ADPRHL1: variants seen among roughly 807,000 people sequenced by gnomAD.
ADPRHL1 encodes the protein ADP-ribosylhydrolase like 1.
Under a neutral mutation model 44.1 loss-of-function variants are expected in ADPRHL1, and 43 were observed. The observed-to-expected ratio is 0.98, with a 90% confidence interval of 0.76 to 1.26. The LOEUF is 1.26. ADPRHL1 is among the 50% of genes most tolerant of loss of function. ADPRHL1 has a pLI of 0.00. For missense variants in ADPRHL1, 2,022 were observed against 2,496.9 expected (o/e 0.81, Z 4.05); for synonymous variants, 878 against 1,017.4 (o/e 0.86, Z 2.61).
At position 113,409,520 on chromosome 13, in the gene ADPRHL1, AGAAGAGTCGGTGGC is replaced by A; in HGVS notation, c.1062-1314_1062-1301del. 1.0e-6 allele frequency: 1 copy of A among 985,348 alleles called. No individual in the cohort carries two copies. The allele number at this position is 985,348 out of a possible 1,614,324, so 61.0% of individuals were successfully genotyped here. On this transcript the variant is annotated intron_variant, in intron 7 of 7. Transcript: ENST00000612156. The surrounding 1 kb of genome is among the most constrained non-coding windows in gnomAD (Gnocchi z 4.2). ...ACAATGGCACGTCCACATTTGTGGG[AGAAGAGTCGGTGGC>A]CGGATGCGGCTGGTGACGTGGTGCC... is the stretch of plus-strand genomic sequence containing the variant.
At chr13:113,425,684 C>CTT (rs66812194) in intron 4 of ADPRHL1, among the ~76,000 whole-genome samples, 8,406 of 133,780 alleles carry the variant, frequency 0.063, 448 homozygotes, top group African/African-American at 0.15. Flanking sequence ...TTTTTTCTTT[C>CTT]TTTTTTTTTT....
rs1441623347 is a variant in ADPRHL1, at chr13:113,421,345, C to T, written c.1061+1481G>A. Among the ~76,000 whole-genome samples, 35 of 135,812 alleles carry T rather than the reference C, an allele frequency of 2.6e-4. No individual in the cohort carries two copies. In the East Asian group the frequency reaches 7.7e-3, roughly 30 times the overall value. 89.1% of individuals were successfully genotyped at this position (135,812 alleles called of 152,430 possible). ...CCGGGACACGCCCACCCCCGGGACA[C>T]GCCCACTCCCGGGACACCTCTACCC... On this transcript the variant is annotated intron_variant, in intron 7 of 7. Coordinates refer to ENST00000612156, the MANE Select transcript of ADPRHL1 (RefSeq NM_001394807.1).
In ADPRHL1 at chr13:113,407,041, G is replaced by A. The variant is rs1470408875; in HGVS notation, c.2241C>T (p.Thr747=). 36 of 1,232,114 alleles carry A rather than the reference G, an allele frequency of 2.9e-5. No homozygotes were observed. The highest frequency in any genetic ancestry group is 3.1e-4 in the Middle Eastern group (1 of 3,234). The allele number at this position is 1,232,114 out of a possible 1,614,324, so 76.3% of individuals were successfully genotyped here. The change falls in exon 8 of 8, where the codon ACC becomes ACT. Residue 747 remains threonine (T), a synonymous_variant. Transcript: ENST00000612156. ...SAGGDGTADP[T]AESTAGGVQE... ...GGACGCCTCCTGCGGTGCTCTCTGC[G>A]GTGGGGTCTGCAGTCCCATCACCTC... is the stretch of plus-strand genomic sequence containing the variant.
intron 4 of ADPRHL1, 50 bp from the exon 5 acceptor site, chr13:113,425,229 G>C (rs771947432): frequency 1.5e-5 from 23 of 1,572,652 alleles, no homozygotes; most frequent in Non-Finnish European, 2.0e-5. Flanking sequence ...CCATGGAGTG[G>C]GGCGGGTGCA....
chr13:113,401,193 G>A lies in ADPRHL1; in HGVS notation c.*2185C>T, dbSNP rs901373891. On this transcript the variant is annotated 3_prime_UTR_variant, in exon 8 of 8. Transcript: ENST00000612156. The surrounding 1 kb of genome is among the most constrained non-coding windows in gnomAD (Gnocchi z 5.5). The stretch of plus-strand genomic sequence containing the variant: ...GGGAGGACGCCCCAGGCATGAGCAG[G>A]GGCCGCCAACAGGACAAAGAGGCCA... 1.3e-5 allele frequency: 2 copies of A among 152,076 alleles called. No individual in the cohort carries two copies. Among genetic ancestry groups the A allele is most frequent in the African/African-American group, 4.8e-5 (2 of 41,420 alleles). 9.4% of individuals were successfully genotyped at this position (152,076 alleles called of 1,614,324 possible).
chr13:113,409,560 A>G lies in ADPRHL1; in HGVS notation c.1062-1340T>C. 1 of 985,404 alleles carries G rather than the reference A, an allele frequency of 1.0e-6. No homozygotes were observed. Among genetic ancestry groups the G allele is most frequent in the Non-Finnish European group, 1.2e-6 (1 of 829,924 alleles). The allele number at this position is 985,404 out of a possible 1,614,324, so 61.0% of individuals were successfully genotyped here. On this transcript the variant is annotated intron_variant, in intron 7 of 7. Coordinates refer to ENST00000612156, the MANE Select transcript of ADPRHL1 (RefSeq NM_001394807.1). This position sits in a 1 kb window ranked among gnomAD's most constrained non-coding sequence, Gnocchi z 4.2. ...CGGATGCGGCTGGTGACGTGGTGCC[A>G]AGTGAAAAGCTCACTCTAACCCGAT...
intron 7 of ADPRHL1, among the ~76,000 whole-genome samples, chr13:113,417,630 G>T (rs1247494897): frequency 6.6e-6 from 1 of 152,228 alleles, no homozygotes; most frequent in Non-Finnish European, 1.5e-5. Context: ...TGTGGCACAC[G>T]AATCCCGAGA....
At chr13:113,449,389 A>G in intron 1 of ADPRHL1, 1 of 225,980 alleles carries the variant, frequency 4.4e-6, no homozygotes, top group Non-Finnish European at 7.2e-6. Flanking sequence ...CTGTTCAGAG[A>G]GGCTCACCCG....
rs568809289 is a variant in ADPRHL1, at chr13:113,443,456, A to C, written c.379+969T>G. 2.7e-5 allele frequency among the ~76,000 whole-genome samples: 4 copies of C among 150,900 alleles called. No individual in the cohort carries two copies. The East Asian group carries it at 5.8e-4, about 22-fold the overall frequency. The stretch of plus-strand genomic sequence containing the variant: ...AACCCCTTCTCTACAGAAAAAAAAA[A>C]AACAACCAAAACATTAACTGGGTGT... On this transcript the variant is annotated intron_variant, in intron 2 of 7. Coordinates refer to ENST00000612156, the MANE Select transcript of ADPRHL1 (RefSeq NM_001394807.1).
At position 113,406,787 on chromosome 13, in the gene ADPRHL1, C is replaced by A. The variant is rs955576809; in HGVS notation, c.2495G>T (p.Arg832Leu). 2 of 1,231,872 alleles carry A rather than the reference C, an allele frequency of 1.6e-6. No homozygotes were observed. The highest frequency in any genetic ancestry group is 2.0e-6 in the Non-Finnish European group (2 of 987,978). The allele number at this position is 1,231,872 out of a possible 1,614,324, so 76.3% of individuals were successfully genotyped here. The change falls in exon 8 of 8, where the codon CGG becomes CTG. Residue 832 changes from arginine (R) to leucine (L), a missense_variant. Around this residue, in one of 8 missense-constraint regions of ADPRHL1, gnomAD observed 1,221 missense variants for 1,517.8 expected, o/e 0.80. Transcript: ENST00000612156. ...AGGCTCCGTGGCAGGCTGTGTTCTC[C>A]GAGCAGCCTGGACCGATGGAGCGTT... ...PLNAPSVQAA[R>L]RTQPATEPPR...
chr13:113,409,196 T>C lies in ADPRHL1; in HGVS notation c.1062-976A>G, dbSNP rs889102388. The C allele has an allele frequency of 3.0e-6, 2 of 675,876 alleles. No individual in the cohort carries two copies. The highest frequency in any genetic ancestry group is 3.9e-5 in the African/African-American group (2 of 50,658). 41.9% of individuals were successfully genotyped at this position (675,876 alleles called of 1,614,324 possible). A position where few individuals can be genotyped will look rare whatever the true frequency, so the allele number is the denominator to read the frequency against. Reference sequence around the variant, plus strand: ...CAGGGTCTTTGTGATTTGATGGTGTTTTCTGAGCCTGGGTCCGGGGTAAGT... The same window carrying C: ...CAGGGTCTTTGTGATTTGATGGTGTCTTCTGAGCCTGGGTCCGGGGTAAGT... On this transcript the variant is annotated intron_variant, in intron 7 of 7. Transcript: ENST00000612156. This position sits in a 1 kb window ranked among gnomAD's most constrained non-coding sequence, Gnocchi z 4.2.
Position 113,409,378 on chromosome 13 carries a change from GATC to G in ADPRHL1, c.1062-1161_1062-1159del, listed in dbSNP as rs1240590511. The G allele has an allele frequency of 1.0e-6, 1 of 985,258 alleles. No homozygotes were observed. Among genetic ancestry groups the G allele is most frequent in the African/African-American group, 1.7e-5 (1 of 57,210 alleles). The allele number at this position is 985,258 out of a possible 1,614,324, so 61.0% of individuals were successfully genotyped here. A position where few individuals can be genotyped will look rare whatever the true frequency, so the allele number is the denominator to read the frequency against. Reference sequence around the variant, plus strand: ...ACCTGTTAGTCATTCATTCTAAGGAGATCATCAGGGATGAGGAACAAAGACTCG... The same window carrying G: ...ACCTGTTAGTCATTCATTCTAAGGAGATCAGGGATGAGGAACAAAGACTCG... On this transcript the variant is annotated intron_variant, in intron 7 of 7. Coordinates refer to ENST00000612156, the MANE Select transcript of ADPRHL1 (RefSeq NM_001394807.1). The surrounding 1 kb of genome is among the most constrained non-coding windows in gnomAD (Gnocchi z 4.2).
chr13:113,404,962 G>A lies in ADPRHL1; in HGVS notation c.4320C>T (p.Asp1440=). 8.1e-7 allele frequency: 1 copy of A among 1,236,432 alleles called. No homozygotes were observed. The highest frequency in any genetic ancestry group is 1.0e-6 in the Non-Finnish European group (1 of 991,102). 76.6% of individuals were successfully genotyped at this position (1,236,432 alleles called of 1,614,324 possible). ...GTCCCTGCAGATGCTGCTGACCTTG[G>A]TCACTGCGCTGGCAGGCGCCCCCAA... is the stretch of plus-strand genomic sequence containing the variant. ...IGVGGACQRS[D]QGQQHLQGPW... is the part of the protein sequence containing the mutation. The change falls in exon 8 of 8, where the codon GAC becomes GAT. Residue 1440 remains aspartate (D), a synonymous_variant. Transcript: ENST00000612156.
chr13:113,422,480 T>C (rs2043931528), intron 7 of ADPRHL1: 1 of 203,256 alleles, frequency 4.9e-6, no homozygotes, highest in South Asian at 9.8e-5. Flanking sequence ...GCAGTTAGTG[T>C]TGTTGAAGTG....
intron 3 of ADPRHL1, 128 bp from the exon 4 acceptor site, chr13:113,429,220 G>A: frequency 7.7e-7 from 1 of 1,294,986 alleles, no homozygotes; most frequent in Non-Finnish European, 1.1e-6. Context: ...CCATGTTCAG[G>A]TGCACAGTTC....
At chr13:113,414,890 G>A (rs1338763629) in intron 7 of ADPRHL1, among the ~76,000 whole-genome samples, 1 of 151,976 alleles carries the variant, frequency 6.6e-6, no homozygotes, top group Non-Finnish European at 1.5e-5. Flanking sequence ...GGCTAGGCTG[G>A]TTTCGAACTC....
Position 113,408,157 on chromosome 13 carries a change from C to T in ADPRHL1, c.1125G>A (p.Lys375=), listed in dbSNP as rs1172374932. The T allele has an allele frequency of 8.1e-7, 1 of 1,231,906 alleles. No individual in the cohort carries two copies. The highest frequency in any genetic ancestry group is 3.2e-5 in the East Asian group (1 of 31,728). 76.3% of individuals were successfully genotyped at this position (1,231,906 alleles called of 1,614,324 possible). A position where few individuals can be genotyped will look rare whatever the true frequency, so the allele number is the denominator to read the frequency against. ...MSVDAQTLKK[K]MGKLACDPAA... Reference sequence around the variant, plus strand: ...CCGGGTCACAGGCCAGCTTGCCCATCTTCTTCTTCAGGGTTTGGGCGTCCA... The same window carrying T: ...CCGGGTCACAGGCCAGCTTGCCCATTTTCTTCTTCAGGGTTTGGGCGTCCA... The change falls in exon 8 of 8, where the codon AAG becomes AAA. Residue 375 remains lysine, a synonymous_variant. Transcript: ENST00000612156.
At chr13:113,424,042 A>ATACCC (rs1381458635) in intron 6 of ADPRHL1, among the ~76,000 whole-genome samples, 175 bp downstream of exon 6, 9 of 152,212 alleles carry the variant, frequency 5.9e-5, no homozygotes, top group Non-Finnish European at 1.3e-4. Context: ...GTCAGCAGGT[A>ATACCC]TACCCTGGAG....
chr13:113,430,497 A>G (rs552449360), intron 3 of ADPRHL1, among the ~76,000 whole-genome samples: 137 of 152,312 alleles, frequency 9.0e-4, no homozygotes, highest in African/African-American at 3.1e-3. Flanking sequence ...CCGTGGTGAC[A>G]GTACCAGTAG....
Sources: allele counts gnomAD v4.1 joint callset (sites outside exome capture counted in the v4.1 genomes callset), GRCh38; gene constraint gnomAD v4.1.1; regional missense constraint gnomAD v4.1.1; non-coding constraint Gnocchi (gnomAD v3.1); transcripts MANE v1.5; gene names NCBI Gene and HGNC (gene_info 2026-07-23, HGNC 2026-07-21).